TSPAN12: variants seen among roughly 807,000 people sequenced by gnomAD.
TSPAN12 encodes tetraspanin 12.
A neutral mutation model predicts 39.2 loss-of-function variants in TSPAN12; 19 were observed. The observed-to-expected ratio is 0.49, with a 90% CI of 0.34 to 0.71. The LOEUF (loss-of-function observed/expected upper bound fraction) is 0.71, where lower values mean the gene tolerates loss of function less well. Ranked by LOEUF, TSPAN12 falls within the 30% of genes least tolerant of loss-of-function variation. The pLI is 0.01. For missense variants in TSPAN12, 314 were observed against 359.9 expected (o/e 0.87, Z 1.03); for synonymous variants, 119 against 124.8 (o/e 0.95, Z 0.31).
chr7:120,790,624 A>T (rs1358531928), intron 7 of TSPAN12, among the ~76,000 whole-genome samples: 1 of 152,246 alleles, frequency 6.6e-6, no homozygotes, highest in Admixed American at 6.5e-5. Context: ...ACCAGTGAGT[A>T]CTTCTGCACA....
chr7:120,799,494 AT>A (rs1473291856), intron 7 of TSPAN12, among the ~76,000 whole-genome samples: 1 of 129,478 alleles, frequency 7.7e-6, no homozygotes, highest in Non-Finnish European at 1.6e-5. Flanking sequence ...ATATATAATT[AT>A]TTTTAATTAA....
At chr7:120,856,946 G>A in intron 1 of TSPAN12, 113 bp from the exon 2 acceptor site, 1 of 664,824 alleles carries the variant, frequency 1.5e-6, no homozygotes, top group Non-Finnish European at 2.7e-6. Context: ...CCGAGGCCCA[G>A]TGCATTCGAG....
intron 6 of TSPAN12, 60 bp from the exon 7 acceptor site, chr7:120,806,752 G>C (rs1325226156): frequency 1.2e-6 from 2 of 1,605,404 alleles, no homozygotes; most frequent in Non-Finnish European, 8.5e-7. Flanking sequence ...TAACTTATAG[G>C]AGATTAAACA....
chr7:120,825,082 T>C (rs1007441173), intron 4 of TSPAN12, among the ~76,000 whole-genome samples: 1 of 152,198 alleles, frequency 6.6e-6, no homozygotes, highest in Non-Finnish European at 1.5e-5. Flanking sequence ...TGTTTTTCTA[T>C]ATAAATGCCA....
intron 2 of TSPAN12, among the ~76,000 whole-genome samples, chr7:120,847,233 C>CAAAAAA (rs76785160): frequency 9.3e-6 from 1 of 107,550 alleles, no homozygotes; most frequent in African/African-American, 3.6e-5. Context: ...AGCTATATGA[C>CAAAAAA]AAAAAAAAAA....
chr7:120,819,399 C>G (rs1794145899), intron 4 of TSPAN12, among the ~76,000 whole-genome samples: 1 of 152,082 alleles, frequency 6.6e-6, no homozygotes, highest in Non-Finnish European at 1.5e-5. Context: ...TTCCTATGAG[C>G]TAGACACCCT....
At chr7:120,839,214 G>A (rs1344040158) in intron 3 of TSPAN12, among the ~76,000 whole-genome samples, 5 of 151,922 alleles carry the variant, frequency 3.3e-5, no homozygotes, top group Non-Finnish European at 5.9e-5. Flanking sequence ...TATTATCTCC[G>A]AAGCCTTAGC....
intron 2 of TSPAN12, among the ~76,000 whole-genome samples, chr7:120,855,984 A>T (rs1475024509): frequency 6.6e-6 from 1 of 152,252 alleles, no homozygotes. Flanking sequence ...TATAAGTAAT[A>T]ATACGATTAT....
At chr7:120,848,067 T>A (rs1794706376) in intron 2 of TSPAN12, among the ~76,000 whole-genome samples, 1 of 152,176 alleles carries the variant, frequency 6.6e-6, no homozygotes, top group South Asian at 2.1e-4. Flanking sequence ...CCAGTGCCTA[T>A]ACATCTTCAC....
At chr7:120,837,819 T>G (rs1288683424) in intron 4 of TSPAN12, among the ~76,000 whole-genome samples, 1 of 152,144 alleles carries the variant, frequency 6.6e-6, no homozygotes. Context: ...CTTGAGCCAA[T>G]TTGTACTCAT....
intron 2 of TSPAN12, among the ~76,000 whole-genome samples, chr7:120,856,099 G>A (rs1041465469): frequency 2.6e-5 from 4 of 152,010 alleles, no homozygotes; most frequent in African/African-American, 7.2e-5. Context: ...TCCTTAAATG[G>A]TTATGGGATT....
chr7:120,857,152 A>T, intron 1 of TSPAN12: 1 of 316,512 alleles, frequency 3.2e-6, no homozygotes, highest in South Asian at 2.9e-5. Context: ...GCTCTTGAAA[A>T]CCTCCCTCAC....
At chr7:120,806,829 A>G (rs1793884794) in intron 6 of TSPAN12, 137 bp from the exon 7 acceptor site, 15 of 1,075,066 alleles carry the variant, frequency 1.4e-5, no homozygotes, top group East Asian at 2.6e-5. Flanking sequence ...TGTACAGTCT[A>G]TGTTGATGAT....
chr7:120,851,513 T>G (rs923137974), intron 2 of TSPAN12, among the ~76,000 whole-genome samples: 2 of 152,212 alleles, frequency 1.3e-5, no homozygotes, highest in African/African-American at 4.8e-5. Flanking sequence ...TGATGAATTT[T>G]AAATGTTCAC....
Position 120,853,493 on chromosome 7 carries a change from T to TATATACAC in TSPAN12, c.66+3204_66+3205insGTGTATAT, listed in dbSNP as rs10639551. Among the ~76,000 whole-genome samples, 111 of 145,916 alleles carry TATATACAC rather than the reference T, an allele frequency of 7.6e-4. 1 individual carries two copies. The highest frequency in any genetic ancestry group is 1.2e-3 in the Non-Finnish European group (81 of 66,900). ...GCAGATATATATATATATATATATA[T>TATATACAC]ACACACACATATTTATATTTAGACA... On this transcript the variant is annotated intron_variant, in intron 2 of 7. Coordinates refer to ENST00000222747, the MANE Select transcript of TSPAN12 (RefSeq NM_012338.4).
At chr7:120,818,611 T>C (rs749921034) in intron 4 of TSPAN12, among the ~76,000 whole-genome samples, 1 of 152,148 alleles carries the variant, frequency 6.6e-6, no homozygotes, top group Non-Finnish European at 1.5e-5. Context: ...TTAGTTTTAA[T>C]CTGCTTCCTT....
chr7:120,845,691 C>G (rs1040933533), intron 2 of TSPAN12, among the ~76,000 whole-genome samples: 2 of 152,204 alleles, frequency 1.3e-5, no homozygotes, highest in African/African-American at 2.4e-5. Context: ...AGTTCCTCAT[C>G]TTCATCTCAG....
At chr7:120,792,208 C>G (rs140266519) in intron 7 of TSPAN12, among the ~76,000 whole-genome samples, 20 of 152,308 alleles carry the variant, frequency 1.3e-4, no homozygotes, top group East Asian at 5.8e-4. Context: ...CCAGAGGGCG[C>G]AGAATGGGGT....
At chr7:120,827,401 T>C (rs1371198754) in intron 4 of TSPAN12, among the ~76,000 whole-genome samples, 1 of 152,134 alleles carries the variant, frequency 6.6e-6, no homozygotes, top group Non-Finnish European at 1.5e-5. Flanking sequence ...TCCTAAACCA[T>C]AAATATTTTT....
Sources: allele counts gnomAD v4.1 joint callset (sites outside exome capture counted in the v4.1 genomes callset), GRCh38; gene constraint gnomAD v4.1.1; transcripts MANE v1.5; gene names NCBI Gene and HGNC (gene_info 2026-07-23, HGNC 2026-07-21).